Variants in GCN1 observed in about 807,000 individuals in gnomAD.
GCN1 encodes the protein stalled ribosome sensor GCN1.
Under a neutral mutation model 288.4 loss-of-function variants are expected in GCN1, and 90 were observed. The ratio of observed to expected loss-of-function variants is 0.31; its 90% CI spans 0.26 to 0.37. GCN1 has a LOEUF of 0.37. Among genes scored for constraint, GCN1 ranks in the 10% least tolerant of loss-of-function variants. GCN1 has a pLI of 1.00. For missense variants in GCN1, 2,586 were observed against 3,419.9 expected, an observed-to-expected ratio of 0.76 and a Z score of 6.08; for synonymous variants, 1,386 against 1,420.2, an observed-to-expected ratio of 0.98 and a Z score of 0.54.
chr12:120,147,295 G>A, intron 37 of GCN1, 23 bp from the exon 38 acceptor site: 1 of 1,434,282 alleles, frequency 7.0e-7, no homozygotes, highest in African/African-American at 1.4e-5. Flanking sequence ...AGAGAAGAGA[G>A]CTGGATGATA....
rs377757906 is a variant in GCN1, at chr12:120,147,113, G to A, written c.4886C>T (p.Thr1629Met). Residue 1629 changes from threonine to methionine, a missense_variant, in exon 38 of 58, where the codon ACG becomes ATG. Thr to Met is a moderately conservative substitution (Grantham distance 81, BLOSUM62 -1). This residue lies in a region of GCN1 where 371 missense variants were observed against 572.6 expected (regional missense o/e 0.65). Coordinates refer to ENST00000300648, the MANE Select transcript of GCN1 (RefSeq NM_006836.2). ...CTGGGCTGCCATCTTCCGCGTGTCC[G>A]TGGAACGGTCCTGGAAGGCTCTCTG... ...IVQRAFQDRS[T>M]DTRKMAAQII... is the part of the protein sequence containing the mutation. The A allele has an allele frequency of 3.2e-5, 51 of 1,605,020 alleles. No homozygotes were observed. In the African/African-American group the frequency reaches 5.2e-4, roughly 16 times the overall value.
Position 120,160,194 on chromosome 12 carries a change from A to G in GCN1, c.2498T>C (p.Met833Thr). The change falls in exon 23 of 58, where the codon ATG becomes ACG. Residue 833 changes from methionine to threonine, a missense_variant. By Grantham distance (81) the Met-to-Thr change is moderately conservative. This residue lies in a region of GCN1 where 913 missense variants were observed against 1,107.0 expected (regional missense o/e 0.82). Coordinates refer to ENST00000300648, the MANE Select transcript of GCN1 (RefSeq NM_006836.2). ...CTCCCTGTCTAGCTGGGCCTGCAGC[A>G]TCTCCTTCTGCTTGCTGGTCAGCTG... ...EVQLTSKQKE[M>T]LQAQLDREAQ... 6.2e-7 allele frequency: 1 copy of G among 1,612,400 alleles called. No individual in the cohort carries two copies. The highest frequency in any genetic ancestry group is 8.5e-7 in the Non-Finnish European group (1 of 1,179,986).
At chr12:120,132,746 C>T (rs1876871921) in intron 53 of GCN1, among the ~76,000 whole-genome samples, 1 of 152,208 alleles carries the variant, frequency 6.6e-6, no homozygotes, top group South Asian at 2.1e-4. Flanking sequence ...GGTGCCAACT[C>T]AACATGTCCC....
rs765928330 is a variant in GCN1, at chr12:120,157,981, C to T, written c.2955G>A (p.Leu985=). The T allele has an allele frequency of 6.2e-7, 1 of 1,613,920 alleles. No individual in the cohort carries two copies. The highest frequency in any genetic ancestry group is 1.3e-5 in the African/African-American group (1 of 74,952). Residue 985 remains leucine, a synonymous_variant, in exon 26 of 58, where the codon CTG becomes CTA. Transcript: ENST00000300648. ...APAFSLVFPF[L]KMVLTEMPHH... ...GGGGCATCTCCGTCAGCACCATCTTCAGAAACGGGAAGACTAAGGAGAAGG... is the reference window on the plus strand; with the variant it reads ...GGGGCATCTCCGTCAGCACCATCTTTAGAAACGGGAAGACTAAGGAGAAGG...
chr12:120,160,312 C>A, intron 22 of GCN1, 57 bp from the exon 23 acceptor site: 1 of 1,206,988 alleles, frequency 8.3e-7, no homozygotes, highest in Non-Finnish European at 1.2e-6. Context: ...CCTCCCTCCC[C>A]AACAGAGGAA....
rs562871566 is a variant in GCN1 at position 120,145,365 on chromosome 12, C to T, written c.4948-35G>A. On this transcript the variant is annotated intron_variant, in intron 38 of 57. Transcript: ENST00000300648. ...CACAGGAGGCGGCTCAGGTGAGGCCCGACTCCTGCTTTCTCCAGGCCTGTT... is the reference window on the plus strand; with the variant it reads ...CACAGGAGGCGGCTCAGGTGAGGCCTGACTCCTGCTTTCTCCAGGCCTGTT... The T allele has an allele frequency of 1.9e-5, 28 of 1,487,214 alleles. No homozygotes were observed. The African/African-American group carries it at 3.1e-4, about 16-fold the overall frequency. The allele number at this position is 1,487,214 out of a possible 1,614,324, so 92.1% of individuals were successfully genotyped here.
intron 4 of GCN1, 87 bp downstream of exon 4, chr12:120,184,024 TC>T: frequency 8.1e-7 from 1 of 1,234,026 alleles, no homozygotes; most frequent in Non-Finnish European, 1.1e-6. Flanking sequence ...CTATCCTGGC[TC>T]CTCCCTCTGG....
Position 120,181,465 on chromosome 12 carries a change from C to CA in GCN1, c.426+2103dup, listed in dbSNP as rs71072594. On this transcript the variant is annotated intron_variant, in intron 5 of 57. Transcript: ENST00000300648. ...GGGTGACAGAGCAAGATCTTTGTCT[C>CA]AAAAAAAAAAAAAAAAAAAAAGAAG... Among the ~76,000 whole-genome samples the CA allele has an allele frequency of 2.0e-3, 145 of 73,990 alleles. 3 individuals carry two copies. The highest frequency in any genetic ancestry group is 0.014 in the Middle Eastern group (2 of 138). 48.5% of individuals were successfully genotyped at this position (73,990 alleles called of 152,430 possible). A position where few individuals can be genotyped will look rare whatever the true frequency, so the allele number is the denominator to read the frequency against.
At chr12:120,192,724 T>C (rs1330752166) in intron 1 of GCN1, among the ~76,000 whole-genome samples, 6 of 112,236 alleles carry the variant, frequency 5.3e-5, no homozygotes, top group African/African-American at 1.1e-4. Flanking sequence ...AGAGCGAGAC[T>C]CCGTCTCGAA....
At chr12:120,132,161 C>T in intron 53 of GCN1, 139 bp from the exon 54 acceptor site, 1 of 646,258 alleles carries the variant, frequency 1.5e-6, no homozygotes, top group South Asian at 1.7e-5. Flanking sequence ...AAGATCCAGT[C>T]CTTCCTGTAG....
Position 120,164,509 on chromosome 12 carries a change from G to A in GCN1, c.1689-14C>T. 1 of 1,612,838 alleles carries A rather than the reference G, an allele frequency of 6.2e-7. No homozygotes were observed. Among genetic ancestry groups the A allele is most frequent in the Non-Finnish European group, 8.5e-7 (1 of 1,179,070 alleles). ...CGGTGGTACTGCCTGCAAGCACAGG[G>A]ACAGACAGGTCTGGGGGAAGGCCAA... On this transcript the variant is annotated splice_polypyrimidine_tract_variant and intron_variant, in intron 17 of 57. Coordinates refer to ENST00000300648, the MANE Select transcript of GCN1 (RefSeq NM_006836.2).
intron 16 of GCN1, among the ~76,000 whole-genome samples, chr12:120,166,121 G>A (rs961958936): frequency 6.7e-6 from 1 of 150,244 alleles, no homozygotes; most frequent in East Asian, 2.0e-4. Flanking sequence ...TAAAAATTAC[G>A]GCCAGGCACA....
At position 120,183,621 on chromosome 12, in the gene GCN1, C is replaced by T. The variant is rs191916809; in HGVS notation, c.374G>A (p.Arg125His). The T allele has an allele frequency of 9.9e-5, 159 of 1,613,644 alleles. 2 individuals carry two copies. The East Asian group carries it at 2.8e-3, about 29-fold the overall frequency. ...LALTWTCLLV[R>H]IVFPSRAKRQ... ...CTTGGCTCTCGATGGAAAGACAATG[C>T]GCACCAGGAGGCAGGTCCAGGTCAA... The change falls in exon 5 of 58, where the codon CGC becomes CAC. Residue 125 changes from arginine to histidine, a missense_variant. Around this residue, in one of 8 missense-constraint regions of GCN1, gnomAD observed 913 missense variants for 1,107.0 expected, o/e 0.82. Transcript: ENST00000300648.
Position 120,145,295 on chromosome 12 carries a change from G to T in GCN1, c.4983C>A (p.Gly1661=). 1 of 1,602,112 alleles carries T rather than the reference G, an allele frequency of 6.2e-7. No individual in the cohort carries two copies. The highest frequency in any genetic ancestry group is 1.7e-5 in the Admixed American group (1 of 57,938). Residue 1661 remains glycine (G), a synonymous_variant, in exon 39 of 58, where the codon GGC becomes GGA. Transcript: ENST00000300648. The part of the protein sequence containing the change: ...LAPYLPSVTP[G]LKASLLDPVP... ...CAGGGTCCAAAAGCGATGCTTTCAG[G>T]CCAGGCGTCACGCTGGGCAGGTACG...
Position 120,174,127 on chromosome 12 carries a change from C to A in GCN1, c.1136G>T (p.Ser379Ile). The A allele has an allele frequency of 6.2e-7, 1 of 1,609,132 alleles. No homozygotes were observed. Among genetic ancestry groups the A allele is most frequent in the East Asian group, 2.2e-5 (1 of 44,872 alleles). Residue 379 changes from serine (S) to isoleucine (I), a missense_variant, in exon 13 of 58, where the codon AGT becomes ATT. Physicochemically the swap from Ser to Ile is moderately radical, Grantham distance 142 (BLOSUM62 -2). Around this residue, in one of 8 missense-constraint regions of GCN1, gnomAD observed 913 missense variants for 1,107.0 expected, o/e 0.82. Transcript: ENST00000300648. ...AGCCACGATCCCATTCAGGACCTGA[C>A]TGGAAGGTCCAGACACCACGTGATG... ...VSHHVVSGPS[S>I]QVLNGIVAEL...
At chr12:120,169,269 T>A (rs1594280773) in intron 15 of GCN1, among the ~76,000 whole-genome samples, 1 of 98,396 alleles carries the variant, frequency 1.0e-5, no homozygotes, top group Non-Finnish European at 2.0e-5. Flanking sequence ...AGAGCGAAAC[T>A]CCGTCTCAAA....
At chr12:120,177,339 A>C in intron 9 of GCN1, 108 bp downstream of exon 9, 2 of 626,862 alleles carry the variant, frequency 3.2e-6, no homozygotes, top group East Asian at 2.8e-5. Flanking sequence ...CAATGAATAC[A>C]TCCCCCTTCC....
chr12:120,165,010 C>T (rs1211498343), intron 16 of GCN1, among the ~76,000 whole-genome samples: 2 of 140,880 alleles, frequency 1.4e-5, no homozygotes, highest in African/African-American at 5.4e-5. Flanking sequence ...TATACACACA[C>T]ACACACACAC....
chr12:120,174,175 AGG>A lies in GCN1; in HGVS notation c.1094-8_1094-7del. The A allele has an allele frequency of 2.0e-6, 3 of 1,526,206 alleles. No homozygotes were observed. The highest frequency in any genetic ancestry group is 2.7e-6 in the Non-Finnish European group (3 of 1,099,908). 94.5% of individuals were successfully genotyped at this position (1,526,206 alleles called of 1,614,324 possible). A position where few individuals can be genotyped will look rare whatever the true frequency, so the allele number is the denominator to read the frequency against. ...ATGACTGACGCTCCCAATCCCTAAA[AGG>A]CAGATTCCCTGTTCAGTCTCTTATC... On this transcript the variant is annotated splice_polypyrimidine_tract_variant and splice_region_variant and intron_variant, in intron 12 of 57. Transcript: ENST00000300648.
Sources: allele counts gnomAD v4.1 joint callset (sites outside exome capture counted in the v4.1 genomes callset), GRCh38; gene constraint gnomAD v4.1.1; regional missense constraint gnomAD v4.1.1; transcripts MANE v1.5; gene names NCBI Gene and HGNC (gene_info 2026-07-23, HGNC 2026-07-21).